Variants in ANTXRL observed in about 807,000 individuals in gnomAD.
ANTXRL encodes anthrax toxin receptor-like.
Under a neutral mutation model 75.4 loss-of-function variants are expected in ANTXRL, and 63 were observed. The observed-to-expected ratio is 0.84, with a 90% CI of 0.68 to 1.03. The LOEUF (loss-of-function observed/expected upper bound fraction) is 1.03. ANTXRL is among the 50% of genes least tolerant of loss of function. ANTXRL has a pLI of 0.00. For missense variants in ANTXRL, 797 were observed against 789.4 expected, an observed-to-expected ratio of 1.01 and a Z score of -0.12; for synonymous variants, 335 against 291.3, an observed-to-expected ratio of 1.15 and a Z score of -1.53.
chr10:46,295,435 C>A (rs1230003904), intron 3 of ANTXRL, among the ~76,000 whole-genome samples: 2 of 150,006 alleles, frequency 1.3e-5, no homozygotes, highest in African/African-American at 4.9e-5. Flanking sequence ...GTTGCCCATC[C>A]CTGGTTCAGG....
intron 4 of ANTXRL, 51 bp downstream of exon 4, chr10:46,296,151 A>G: frequency 1.3e-6 from 2 of 1,531,716 alleles, no homozygotes; most frequent in Middle Eastern, 1.7e-4. Context: ...ACCCTAACCT[A>G]CAAAATCTTA....
In ANTXRL at chr10:46,329,779, A is replaced by G; in HGVS notation, c.1591A>G (p.Asn531Asp). 1 of 1,533,310 alleles carries G rather than the reference A, an allele frequency of 6.5e-7. No homozygotes were observed. The highest frequency in any genetic ancestry group is 8.7e-7 in the Non-Finnish European group (1 of 1,146,294). 95.0% of individuals were successfully genotyped at this position (1,533,310 alleles called of 1,614,324 possible). A position where few individuals can be genotyped will look rare whatever the true frequency, so the allele number is the denominator to read the frequency against. Residue 531 changes from asparagine (N) to aspartate (D), a missense_variant, in exon 17 of 17, where the codon AAC becomes GAC. Transcript: ENST00000620264. ...CCTCAAACAGGCTCGCTGCAGCCCA[A>G]ACATCTGCCTGAGACACAGCCAACA... Reference protein sequence around the residue: ...LALKQARCSPNICLRHSQHSR... With the variant: ...LALKQARCSPDICLRHSQHSR...
intron 1 of ANTXRL, 22 bp downstream of exon 1, chr10:46,287,532 G>A (rs1554955576): frequency 2.6e-6 from 4 of 1,527,506 alleles, no homozygotes; most frequent in Non-Finnish European, 2.6e-6. Context: ...TTCTAGCTCT[G>A]GCCCTGGGTC....
At chr10:46,303,825 C>T (rs1274738039) in intron 10 of ANTXRL, among the ~76,000 whole-genome samples, 3 of 152,096 alleles carry the variant, frequency 2.0e-5, no homozygotes, top group African/African-American at 7.2e-5. Flanking sequence ...GTGCTCTTCC[C>T]CACTGAGGGC....
Position 46,313,268 on chromosome 10 carries a change from C to A in ANTXRL, c.1362C>A (p.His454Gln), listed in dbSNP as rs1406609183. The A allele has an allele frequency of 4.2e-5, 64 of 1,535,766 alleles. No homozygotes were observed. Among genetic ancestry groups the A allele is most frequent in the Non-Finnish European group, 5.5e-5 (63 of 1,146,744 alleles). The change falls in exon 16 of 17, where the codon CAC becomes CAA. Residue 454 changes from histidine to glutamine, a missense_variant. His to Gln is a conservative substitution (Grantham distance 24). Transcript: ENST00000620264. Reference sequence around the variant, plus strand: ...TGGATACCTTTTGTGACCTCTCTCACGCAAGCTGCCACCAGGTGCCATGGA... The same window carrying A: ...TGGATACCTTTTGTGACCTCTCTCAAGCAAGCTGCCACCAGGTGCCATGGA... ...GNLDTFCDLSHASCHQVPWMC... is the reference protein window; with the variant it reads ...GNLDTFCDLSQASCHQVPWMC...
chr10:46,318,391 G>C (rs1451354823), intron 16 of ANTXRL, among the ~76,000 whole-genome samples: 1 of 152,018 alleles, frequency 6.6e-6, no homozygotes, highest in Admixed American at 6.6e-5. Flanking sequence ...GAAAATATAA[G>C]AATCTAGAGC....
At chr10:46,311,385 T>C (rs1440232540) in intron 14 of ANTXRL, 125 bp from the exon 15 acceptor site, 3 of 1,336,436 alleles carry the variant, frequency 2.2e-6, no homozygotes, top group South Asian at 1.7e-5. Flanking sequence ...GTTTTTCACA[T>C]GAAGGACCCT....
chr10:46,307,463 A>C lies in ANTXRL; in HGVS notation c.1027A>C (p.Ile343Leu), dbSNP rs782650445. 2.0e-6 allele frequency: 3 copies of C among 1,536,270 alleles called. No individual in the cohort carries two copies. Among genetic ancestry groups the C allele is most frequent in the Non-Finnish European group, 2.6e-6 (3 of 1,146,742 alleles). ...AACATTCTTCAAGAGCAATGTCAGC[A>C]TCACCAGCACCACATGTGTGAGTAC... is the stretch of plus-strand genomic sequence containing the variant. ...GKTFFKSNVS[I>L]TSTTCGIFRN... Residue 343 changes from isoleucine (I) to leucine (L), a missense_variant, in exon 12 of 17, where the codon ATC becomes CTC. Transcript: ENST00000620264.
Position 46,297,912 on chromosome 10 carries a change from G to A in ANTXRL, c.735+1G>A, listed in dbSNP as rs1286192604. On this transcript the variant is annotated splice_donor_variant, in intron 8 of 16. Coordinates refer to ENST00000620264, the MANE Select transcript of ANTXRL (RefSeq NM_001278688.3). LOFTEE classifies it high-confidence loss of function. ...GGCCCTGAGAAGCACCATTGATGCC[G>A]TGAGTGGGCAGAGGTGAGGGGCTGG... The A allele has an allele frequency of 4.4e-5, 67 of 1,535,768 alleles. No homozygotes were observed. Among genetic ancestry groups the A allele is most frequent in the Non-Finnish European group, 5.5e-5 (63 of 1,146,734 alleles).
chr10:46,321,567 G>A (rs1838978429), intron 16 of ANTXRL, among the ~76,000 whole-genome samples: 1 of 152,130 alleles, frequency 6.6e-6, no homozygotes, highest in African/African-American at 2.4e-5. Context: ...GAGGTTCAAA[G>A]CAATTTTCCT....
At chr10:46,299,953 G>C (rs1336806743) in intron 9 of ANTXRL, among the ~76,000 whole-genome samples, 1 of 152,166 alleles carries the variant, frequency 6.6e-6, no homozygotes, top group Non-Finnish European at 1.5e-5. Flanking sequence ...CTCCCCCTCG[G>C]GGTCTCTTTC....
At chr10:46,325,898 C>T (rs1237608112) in intron 16 of ANTXRL, among the ~76,000 whole-genome samples, 3 of 152,044 alleles carry the variant, frequency 2.0e-5, no homozygotes, top group Admixed American at 6.6e-5. Flanking sequence ...CTTCACCAGG[C>T]CCCAATATTA....
chr10:46,306,908 AC>A lies in ANTXRL; in HGVS notation c.965+38del, dbSNP rs552762949. ...CTGGCAGGAGGCTAGAGGGCAAGAGACCAGGGAGTCAGGGTTGGGCACCTTG... is the reference window on the plus strand; with the variant it reads ...CTGGCAGGAGGCTAGAGGGCAAGAGACAGGGAGTCAGGGTTGGGCACCTTG... On this transcript the variant is annotated intron_variant, in intron 11 of 16. Coordinates refer to ENST00000620264, the MANE Select transcript of ANTXRL (RefSeq NM_001278688.3). 227 of 1,489,428 alleles carry A rather than the reference AC, an allele frequency of 1.5e-4. No homozygotes were observed. The African/African-American group carries it at 2.4e-3, about 16-fold the overall frequency. The allele number at this position is 1,489,428 out of a possible 1,614,324, so 92.3% of individuals were successfully genotyped here. A position where few individuals can be genotyped will look rare whatever the true frequency, so the allele number is the denominator to read the frequency against.
At chr10:46,321,812 T>A (rs562852943) in intron 16 of ANTXRL, among the ~76,000 whole-genome samples, 2 of 152,148 alleles carry the variant, frequency 1.3e-5, no homozygotes, top group Admixed American at 6.5e-5. Context: ...TATCAACTTA[T>A]GTTTTCCAGT....
At chr10:46,302,645 C>A (rs536527389) in intron 9 of ANTXRL, 77 bp from the exon 10 acceptor site, 1 of 1,089,372 alleles carries the variant, frequency 9.2e-7, no homozygotes, top group Non-Finnish European at 1.3e-6. Flanking sequence ...GGGGGTGGAT[C>A]TCCAGGAATA....
intron 11 of ANTXRL, among the ~76,000 whole-genome samples, chr10:46,307,104 C>T (rs1357401723): frequency 2.0e-5 from 3 of 152,106 alleles, no homozygotes; most frequent in Non-Finnish European, 2.9e-5. Context: ...GATGATTGCC[C>T]AAGGAATGGT....
chr10:46,295,253 T>C (rs1357079009), intron 3 of ANTXRL, among the ~76,000 whole-genome samples: 40 of 152,132 alleles, frequency 2.6e-4, no homozygotes, highest in African/African-American at 8.5e-4. Flanking sequence ...TCTGGGGTCA[T>C]TGGGCTGGGT....
At chr10:46,298,088 A>T (rs113530203) in intron 9 of ANTXRL, 26 bp downstream of exon 9, 623,695 of 1,397,260 alleles carry the variant, frequency 0.45, 141,698 homozygotes, top group Non-Finnish European at 0.48. Flanking sequence ...GCCCTGGGGT[A>T]GCCAAAGGGT....
In ANTXRL at chr10:46,329,668, T is replaced by C. The variant is rs1326406626; in HGVS notation, c.1480T>C (p.Phe494Leu). Residue 494 changes from phenylalanine (F) to leucine (L), a missense_variant, in exon 17 of 17, where the codon TTT (phenylalanine) becomes CTT (leucine). Physicochemically the swap from Phe to Leu is conservative, Grantham distance 22. Around this residue, in one of 3 missense-constraint regions of ANTXRL, gnomAD observed 479 missense variants for 422.0 expected, o/e 1.14. Transcript: ENST00000620264. ...AQAPCCPRIC[F>L]PHSQECLSLP... ...GGCTCCCTGCTGCCCAAGGATCTGC[T>C]TTCCACACAGCCAGGAGTGCCTTTC... 61 of 1,534,568 alleles carry C rather than the reference T, an allele frequency of 4.0e-5. No individual in the cohort carries two copies. Among genetic ancestry groups the C allele is most frequent in the African/African-American group, 8.3e-5 (6 of 72,258 alleles).
Sources: allele counts gnomAD v4.1 joint callset (sites outside exome capture counted in the v4.1 genomes callset), GRCh38; gene constraint gnomAD v4.1.1; regional missense constraint gnomAD v4.1.1; transcripts MANE v1.5; gene names NCBI Gene and HGNC (gene_info 2026-07-23, HGNC 2026-07-21).